Variants in CECR2 observed in about 807,000 individuals in gnomAD.
The protein encoded by CECR2 is CECR2 histone acetyl-lysine reader, also known as chromatin remodeling regulator CECR2.
A neutral mutation model predicts 154.5 loss-of-function variants in CECR2; 30 were observed. The observed-to-expected ratio is 0.19, with a 90% CI of 0.15 to 0.26. CECR2 has a LOEUF of 0.26. CECR2 is among the 10% of genes least tolerant of loss of function. CECR2 has a pLI of 1.00. For missense variants in CECR2, 1,743 were observed against 1,829.3 expected, an observed-to-expected ratio of 0.95 and a Z score of 0.86; for synonymous variants, 725 against 683.7, an observed-to-expected ratio of 1.06 and a Z score of -0.94.
chr22:17,401,124 A>C (rs1179208703), intron 1 of CECR2, among the ~76,000 whole-genome samples: 1 of 152,102 alleles, frequency 6.6e-6, no homozygotes, highest in African/African-American at 2.4e-5. Flanking sequence ...AACAAGTGTG[A>C]CTACAATTCA....
chr22:17,428,872 G>A (rs140817960), intron 1 of CECR2, among the ~76,000 whole-genome samples: 28 of 151,118 alleles, frequency 1.9e-4, no homozygotes, highest in East Asian at 1.8e-3. Flanking sequence ...GGGAATAGGC[G>A]TGGTGGGGTA....
At chr22:17,474,422 C>T (rs1288439530) in intron 1 of CECR2, among the ~76,000 whole-genome samples, 1 of 152,152 alleles carries the variant, frequency 6.6e-6, no homozygotes, top group African/African-American at 2.4e-5. Flanking sequence ...CGCAGAGTTC[C>T]TCTCCCTATG....
intron 1 of CECR2, among the ~76,000 whole-genome samples, chr22:17,470,920 T>G (rs2055116526): frequency 6.6e-6 from 1 of 152,190 alleles, no homozygotes. Flanking sequence ...TCCCCAGTAC[T>G]TAACACAATT....
intron 17 of CECR2, among the ~76,000 whole-genome samples, chr22:17,551,297 G>C (rs1427445919): frequency 6.6e-6 from 1 of 152,142 alleles, no homozygotes; most frequent in Non-Finnish European, 1.5e-5. Flanking sequence ...TGTCCCCAGA[G>C]TGTCTTTTAG....
At chr22:17,419,885 A>C (rs2054219256) in intron 1 of CECR2, 1 of 263,178 alleles carries the variant, frequency 3.8e-6, no homozygotes, top group Non-Finnish European at 7.6e-6. Context: ...GAAAAAAGTC[A>C]TGGCAGATGA....
At chr22:17,499,742 A>T (rs1327895009) in intron 4 of CECR2, among the ~76,000 whole-genome samples, 193 bp downstream of exon 4, 2 of 152,188 alleles carry the variant, frequency 1.3e-5, no homozygotes, top group Non-Finnish European at 2.9e-5. Context: ...GAGGGGTTAA[A>T]TATACTTTTT....
At chr22:17,494,758 A>G (rs1423763048) in intron 2 of CECR2, among the ~76,000 whole-genome samples, 1 of 152,126 alleles carries the variant, frequency 6.6e-6, no homozygotes, top group African/African-American at 2.4e-5. Context: ...GCAGGGGCAC[A>G]ATCTCGGCTC....
chr22:17,478,496 C>A (rs1365359037), intron 2 of CECR2, among the ~76,000 whole-genome samples: 2 of 151,904 alleles, frequency 1.3e-5, no homozygotes, highest in African/African-American at 4.8e-5. Context: ...GCTGGGACTA[C>A]AGGCACTCGC....
At chr22:17,376,536 AAAGGTG>A (rs1308290767) in intron 1 of CECR2, among the ~76,000 whole-genome samples, 2 of 152,246 alleles carry the variant, frequency 1.3e-5, no homozygotes, top group Non-Finnish European at 1.5e-5. Flanking sequence ...ACTGCAGTGC[AAAGGTG>A]GTTTAGGTAA....
intron 2 of CECR2, among the ~76,000 whole-genome samples, chr22:17,492,757 T>C (rs1435439948): frequency 6.6e-6 from 1 of 152,204 alleles, no homozygotes; most frequent in Non-Finnish European, 1.5e-5. Context: ...TGCATTACTA[T>C]TTTTAAATGA....
At chr22:17,536,975 G>A (rs901716724) in intron 9 of CECR2, 128 bp from the exon 10 acceptor site, 2 of 1,031,604 alleles carry the variant, frequency 1.9e-6, no homozygotes, top group East Asian at 2.6e-5. Flanking sequence ...GGGTGGCACA[G>A]GGAGCAGAAG....
intron 1 of CECR2, among the ~76,000 whole-genome samples, chr22:17,415,687 T>C (rs1027368139): frequency 3.3e-5 from 5 of 152,222 alleles, no homozygotes; most frequent in South Asian, 2.1e-4. Flanking sequence ...TCAGGACTTA[T>C]ACTTACTTTT....
intron 2 of CECR2, among the ~76,000 whole-genome samples, chr22:17,483,440 C>A (rs758558123): frequency 2.6e-5 from 4 of 151,854 alleles, no homozygotes; most frequent in Non-Finnish European, 5.9e-5. Context: ...TATAGCAAGA[C>A]CCCTGTCTCT....
chr22:17,515,101 AGGTAAAATTGT>A (rs1385503302), intron 8 of CECR2, among the ~76,000 whole-genome samples: 4 of 151,692 alleles, frequency 2.6e-5, no homozygotes, highest in Non-Finnish European at 5.9e-5. Flanking sequence ...AATGTCATTT[AGGTAAAATTGT>A]AATTGTTGAG....
chr22:17,478,799 G>A (rs1273355253), intron 2 of CECR2, among the ~76,000 whole-genome samples: 1 of 152,176 alleles, frequency 6.6e-6, no homozygotes, highest in Non-Finnish European at 1.5e-5. Flanking sequence ...GCATTCTCTA[G>A]GGGAGAGTTA....
Position 17,549,043 on chromosome 22 carries a change from G to C in CECR2, c.3756G>C (p.Leu1252=), listed in dbSNP as rs752542926. 3 of 1,613,986 alleles carry C rather than the reference G, an allele frequency of 1.9e-6. No individual in the cohort carries two copies. In the South Asian group the frequency reaches 3.3e-5, roughly 18 times the overall value. The change falls in exon 17 of 19, where the codon CTG becomes CTC. Residue 1252 remains leucine (L), a synonymous_variant. Transcript: ENST00000262608. ...CCAGTCTGCAAGGCTGTGAGACACT[G>C]AATGCTGCCTTAACTTCTCCAACCC... is the stretch of plus-strand genomic sequence containing the variant. ...AMASLQGCET[L]NAALTSPTRM...
intron 8 of CECR2, among the ~76,000 whole-genome samples, chr22:17,521,917 T>C (rs902255933): frequency 6.6e-6 from 1 of 152,236 alleles, no homozygotes; most frequent in African/African-American, 2.4e-5. Flanking sequence ...GCATCTTGAA[T>C]TAATTTTTGT....
chr22:17,426,703 T>C (rs986167111), intron 1 of CECR2, among the ~76,000 whole-genome samples: 3 of 152,198 alleles, frequency 2.0e-5, no homozygotes, highest in Non-Finnish European at 2.9e-5. Context: ...TTGCAGTTTA[T>C]GTTTTGGAGA....
At chr22:17,529,519 T>C (rs1266506572) in intron 9 of CECR2, among the ~76,000 whole-genome samples, 1 of 151,436 alleles carries the variant, frequency 6.6e-6, no homozygotes, top group Non-Finnish European at 1.5e-5. Context: ...ACTAACACGG[T>C]GAAACCCCGT....
Sources: gnomAD v4.1 joint callset for allele counts (sites outside exome capture counted in the v4.1 genomes callset) on GRCh38, gnomAD v4.1.1 for gene constraint, MANE v1.5 for transcripts, NCBI Gene and HGNC (gene_info 2026-07-23, HGNC 2026-07-21) for gene names.